MTMR14: variants seen among roughly 807,000 people sequenced by gnomAD.
The protein encoded by MTMR14 is myotubularin related protein 14, also known as phosphatidylinositol-3,5-bisphosphate 3-phosphatase MTMR14.
Under a neutral mutation model 86.3 loss-of-function variants are expected in MTMR14, and 48 were observed. The ratio of observed to expected loss-of-function variants is 0.56; its 90% CI spans 0.44 to 0.71. The LOEUF (loss-of-function observed/expected upper bound fraction) is 0.71, where lower values mean the gene tolerates loss of function less well. Among genes scored for constraint, MTMR14 ranks in the 30% least tolerant of loss-of-function variants. MTMR14 has a pLI of 0.00. For missense variants in MTMR14, 780 were observed against 834.6 expected (o/e 0.93, Z 0.81); for synonymous variants, 366 against 326.1 (o/e 1.12, Z -1.32).
chr3:9,652,577 A>C (rs2124921338), intron 1 of MTMR14, among the ~76,000 whole-genome samples: 1 of 152,154 alleles, frequency 6.6e-6, no homozygotes, highest in South Asian at 2.1e-4. Flanking sequence ...CATGAACCCC[A>C]TCTCTATTAA....
chr3:9,687,309 A>T (rs2075990478), intron 13 of MTMR14, among the ~76,000 whole-genome samples: 1 of 152,092 alleles, frequency 6.6e-6, no homozygotes, highest in African/African-American at 2.4e-5. Context: ...TAATCCCAGC[A>T]CTTGGGGAGG....
intron 17 of MTMR14, 28 bp from the exon 18 acceptor site, chr3:9,697,683 T>A: frequency 6.2e-7 from 1 of 1,609,640 alleles, no homozygotes; most frequent in Non-Finnish European, 8.5e-7. Context: ...GACTGCATCC[T>A]CTCCCCTCTC....
intron 2 of MTMR14, among the ~76,000 whole-genome samples, chr3:9,659,079 CA>C (rs2047772172): frequency 6.6e-6 from 1 of 152,100 alleles, no homozygotes; most frequent in South Asian, 2.1e-4. Context: ...ACAAAAAATA[CA>C]AAGCATTAGC....
At chr3:9,685,167 A>G (rs2075896383) in intron 12 of MTMR14, 44 bp from the exon 13 acceptor site, 3 of 1,613,714 alleles carry the variant, frequency 1.9e-6, no homozygotes, top group Non-Finnish European at 2.5e-6. Context: ...TGGCCTTGTC[A>G]TCTTGGTGCT....
chr3:9,668,854 C>T, intron 4 of MTMR14, 60 bp downstream of exon 4: 1 of 1,571,028 alleles, frequency 6.4e-7, no homozygotes, highest in East Asian at 2.2e-5. Flanking sequence ...AGAATAGCTA[C>T]CCGGGCCGGG....
chr3:9,697,564 C>G (rs1246490781), intron 17 of MTMR14, 147 bp from the exon 18 acceptor site: 1 of 930,536 alleles, frequency 1.1e-6, no homozygotes. Context: ...CACTACTTGT[C>G]CAGCTTTTTT....
At chr3:9,684,785 C>G (rs576493293) in intron 11 of MTMR14, 103 bp from the exon 12 acceptor site, 5 of 1,535,692 alleles carry the variant, frequency 3.3e-6, no homozygotes, top group Non-Finnish European at 4.5e-6. Flanking sequence ...TTAACCCTGT[C>G]CTTCCGGGTG....
At chr3:9,659,812 G>A (rs752313520) in intron 2 of MTMR14, 75 of 456,620 alleles carry the variant, frequency 1.6e-4, no homozygotes, top group Non-Finnish European at 2.5e-4. Flanking sequence ...AAGAAAAGGT[G>A]GGTCATTACA....
At position 9,671,144 on chromosome 3, in the gene MTMR14, G is replaced by A. The variant is rs749968933; in HGVS notation, c.651G>A (p.Glu217=). 14 of 1,614,094 alleles carry A rather than the reference G, an allele frequency of 8.7e-6. No homozygotes were observed. The highest frequency in any genetic ancestry group is 1.3e-5 in the African/African-American group (1 of 74,936). Residue 217 remains glutamate (E), a synonymous_variant, in exon 6 of 19, where the codon GAG becomes GAA. Coordinates refer to ENST00000296003, the MANE Select transcript of MTMR14 (RefSeq NM_001077525.3). ...AATACATCTGTGACCTGATGGTGGA[G>A]AACAAGAAGGTGAAGTTTGGCATGA... is the stretch of plus-strand genomic sequence containing the variant. ...SVKYICDLMV[E]NKKVKFGMNV...
chr3:9,672,932 T>C (rs1002425453), intron 7 of MTMR14, among the ~76,000 whole-genome samples, 174 bp downstream of exon 7: 12 of 152,188 alleles, frequency 7.9e-5, no homozygotes, highest in African/African-American at 2.4e-4. Context: ...CATAGGATAG[T>C]GTCCTGGGGA....
chr3:9,693,036 G>T (rs1402682721), intron 17 of MTMR14, among the ~76,000 whole-genome samples: 1 of 152,130 alleles, frequency 6.6e-6, no homozygotes, highest in African/African-American at 2.4e-5. Flanking sequence ...CTTAGGTAAC[G>T]CCAAGGTCCT....
At chr3:9,663,217 A>T (rs2048040061) in intron 3 of MTMR14, among the ~76,000 whole-genome samples, 1 of 152,048 alleles carries the variant, frequency 6.6e-6, no homozygotes, top group Non-Finnish European at 1.5e-5. Flanking sequence ...CAGTCTATTC[A>T]TTCCTTTAGC....
At position 9,683,235 on chromosome 3, in the gene MTMR14, A is replaced by T. The variant is rs753995748; in HGVS notation, c.955A>T (p.Asn319Tyr). 8 of 1,614,184 alleles carry T rather than the reference A, an allele frequency of 5.0e-6. No individual in the cohort carries two copies. The highest frequency in any genetic ancestry group is 6.8e-6 in the Non-Finnish European group (8 of 1,180,002). The change falls in exon 10 of 19, where the codon AAC (asparagine) becomes TAC (tyrosine). Residue 319 changes from asparagine to tyrosine, a missense_variant. Coordinates refer to ENST00000296003, the MANE Select transcript of MTMR14 (RefSeq NM_001077525.3). ...NYLKLLLSLV[N>Y]SDDDSGLLVH... ...CCTGAAGCTGCTGCTTTCCTTAGTT[A>T]ACAGTGATGGTGAGTCTGTCTCCTC... is the stretch of plus-strand genomic sequence containing the variant.
intron 3 of MTMR14, among the ~76,000 whole-genome samples, chr3:9,664,129 C>T (rs142841551): frequency 8.6e-5 from 13 of 151,756 alleles, no homozygotes; most frequent in South Asian, 6.3e-4. Context: ...TGCAGCACAG[C>T]GCTTGTCATT....
intron 18 of MTMR14, among the ~76,000 whole-genome samples, chr3:9,698,394 C>T (rs1451734635): frequency 1.3e-5 from 2 of 152,362 alleles, no homozygotes; most frequent in Admixed American, 1.3e-4. Context: ...AGTTTCCAGC[C>T]CTTAACAGTG....
At chr3:9,681,084 C>T (rs1427924986) in intron 9 of MTMR14, among the ~76,000 whole-genome samples, 1 of 152,198 alleles carries the variant, frequency 6.6e-6, no homozygotes, top group Non-Finnish European at 1.5e-5. Context: ...TTCCCTCTCC[C>T]GTGACTCCAT....
chr3:9,686,926 G>A (rs1197710047), intron 13 of MTMR14, among the ~76,000 whole-genome samples: 1 of 152,220 alleles, frequency 6.6e-6, no homozygotes, highest in South Asian at 2.1e-4. Flanking sequence ...TGTGGCTGGG[G>A]TCAGGAGCCT....
intron 17 of MTMR14, among the ~76,000 whole-genome samples, chr3:9,696,531 C>T (rs1211220298): frequency 1.3e-5 from 2 of 152,202 alleles, no homozygotes; most frequent in Non-Finnish European, 2.9e-5. Context: ...CCTCTTCTCA[C>T]ACTGTCTAGC....
chr3:9,663,898 C>T lies in MTMR14; in HGVS notation c.417+1523C>T, dbSNP rs183244697. Among the ~76,000 whole-genome samples, 14 of 152,048 alleles carry T rather than the reference C, an allele frequency of 9.2e-5. 1 individual carries two copies. The South Asian group carries it at 1.9e-3, about 20-fold the overall frequency. ...CCACCTCCCGGGTTCAAGCAATTCTCCTGCCTCAGCCTCCCGAGTAGCTGG... is the reference window on the plus strand; with the variant it reads ...CCACCTCCCGGGTTCAAGCAATTCTTCTGCCTCAGCCTCCCGAGTAGCTGG... On this transcript the variant is annotated intron_variant, in intron 3 of 18. Coordinates refer to ENST00000296003, the MANE Select transcript of MTMR14 (RefSeq NM_001077525.3).
Sources: allele counts gnomAD v4.1 joint callset (sites outside exome capture counted in the v4.1 genomes callset), GRCh38; gene constraint gnomAD v4.1.1; transcripts MANE v1.5; gene names NCBI Gene and HGNC (gene_info 2026-07-23, HGNC 2026-07-21).